MBD5: variants seen among roughly 807,000 people sequenced by gnomAD.
MBD5 encodes the protein methyl-CpG-binding domain protein 5.
MBD5 carries 13 observed loss-of-function variants against 117.3 expected under a neutral mutation model. The observed-to-expected ratio is 0.11, with a 90% CI of 0.07 to 0.18. The LOEUF (loss-of-function observed/expected upper bound fraction) is 0.18, where lower values mean the gene tolerates loss of function less well. Among genes scored for constraint, MBD5 ranks in the 10% least tolerant of loss-of-function variants. The pLI is 1.00. For missense variants in MBD5, 1,879 were observed against 2,093.8 expected, an observed-to-expected ratio of 0.90 and a Z score of 2.00; for synonymous variants, 727 against 766.4, an observed-to-expected ratio of 0.95 and a Z score of 0.85.
At chr2:148,292,760 C>G (rs1037810329) in intron 3 of MBD5, among the ~76,000 whole-genome samples, 1 of 152,100 alleles carries the variant, frequency 6.6e-6, no homozygotes, top group Admixed American at 6.5e-5. Flanking sequence ...GAAGATATAT[C>G]TGTGCACTCC....
chr2:148,363,377 C>T (rs544135412), intron 4 of MBD5, among the ~76,000 whole-genome samples: 7 of 152,162 alleles, frequency 4.6e-5, no homozygotes, highest in East Asian at 3.9e-4. Flanking sequence ...TGACTACAGG[C>T]GCCCGCCACC....
At chr2:148,406,189 G>A (rs1426120719) in intron 4 of MBD5, among the ~76,000 whole-genome samples, 2 of 152,134 alleles carry the variant, frequency 1.3e-5, no homozygotes, top group African/African-American at 4.8e-5. Context: ...GTGAAACCCT[G>A]TCTCAGTAAG....
chr2:148,039,577 T>A (rs1171012248), intron 1 of MBD5, among the ~76,000 whole-genome samples: 10 of 152,178 alleles, frequency 6.6e-5, no homozygotes, highest in Admixed American at 6.5e-5. Flanking sequence ...AAATCATTTC[T>A]GAAATTTTAA....
At chr2:148,064,283 T>C (rs1273084153) in intron 1 of MBD5, among the ~76,000 whole-genome samples, 1 of 151,272 alleles carries the variant, frequency 6.6e-6, no homozygotes, top group Non-Finnish European at 1.5e-5. Flanking sequence ...GCCCGGCTAA[T>C]TTTTTGTATT....
At chr2:148,477,834 AGGTTCTT>A (rs1291271267) in intron 8 of MBD5, among the ~76,000 whole-genome samples, 1 of 152,184 alleles carries the variant, frequency 6.6e-6, no homozygotes, top group Non-Finnish European at 1.5e-5. Context: ...CTTATTTCTT[AGGTTCTT>A]GAATTTTATA....
At chr2:148,395,062 G>A (rs1704672056) in intron 4 of MBD5, among the ~76,000 whole-genome samples, 1 of 152,100 alleles carries the variant, frequency 6.6e-6, no homozygotes, top group South Asian at 2.1e-4. Flanking sequence ...TAAGAGAAAA[G>A]GTGAGTTAGT....
At chr2:148,429,551 G>A (rs975931418) in intron 4 of MBD5, among the ~76,000 whole-genome samples, 1 of 152,080 alleles carries the variant, frequency 6.6e-6, no homozygotes, top group Non-Finnish European at 1.5e-5. Context: ...GCACACATAT[G>A]TTTATTGTGA....
chr2:148,496,512 C>CA (rs1458694022), intron 11 of MBD5, among the ~76,000 whole-genome samples: 1 of 152,204 alleles, frequency 6.6e-6, no homozygotes, highest in African/African-American at 2.4e-5. Context: ...ACACAGACTA[C>CA]ATGAGCTTGT....
chr2:148,212,432 G>A (rs192355177), intron 2 of MBD5, among the ~76,000 whole-genome samples: 1 of 152,054 alleles, frequency 6.6e-6, no homozygotes, highest in African/African-American at 2.4e-5. Context: ...GCCAAATAAT[G>A]TTCTATTATA....
intron 3 of MBD5, among the ~76,000 whole-genome samples, chr2:148,330,332 A>T (rs903461486): frequency 5.9e-5 from 9 of 152,124 alleles, no homozygotes; most frequent in African/African-American, 9.7e-5. Flanking sequence ...GGATATGCTG[A>T]TTGACTTTGG....
Position 148,021,338 on chromosome 2 carries a change from A to C in MBD5, c.-1271A>C. ...TCTTCTTCTTCGAAAACCCCCATCC[A>C]CGACTCCTACCCCCTCACCCCTCCA... On this transcript the variant is annotated 5_prime_UTR_variant, in exon 1 of 14. Coordinates refer to ENST00000642680, the MANE Select transcript of MBD5 (RefSeq NM_001378120.1). 2.7e-6 allele frequency: 1 copy of C among 368,062 alleles called. No homozygotes were observed. Among genetic ancestry groups the C allele is most frequent in the Non-Finnish European group, 5.4e-6 (1 of 184,184 alleles). 22.8% of individuals were successfully genotyped at this position (368,062 alleles called of 1,614,324 possible). A position where few individuals can be genotyped will look rare whatever the true frequency, so the allele number is the denominator to read the frequency against.
At chr2:148,382,182 C>A (rs1280159374) in intron 4 of MBD5, among the ~76,000 whole-genome samples, 5 of 146,938 alleles carry the variant, frequency 3.4e-5, no homozygotes, top group South Asian at 2.2e-4. Context: ...TAGTCAAGAC[C>A]CATCAGTGTG....
At chr2:148,383,663 A>G (rs937942975) in intron 4 of MBD5, among the ~76,000 whole-genome samples, 2 of 151,214 alleles carry the variant, frequency 1.3e-5, no homozygotes, top group African/African-American at 4.9e-5. Flanking sequence ...AAAAAAAAAG[A>G]GAATTTTAGA....
chr2:148,217,337 G>T (rs1229228908), intron 2 of MBD5, among the ~76,000 whole-genome samples: 2 of 152,098 alleles, frequency 1.3e-5, no homozygotes, highest in Admixed American at 1.3e-4. Context: ...AAGAACACAG[G>T]CACACCAAAG....
intron 4 of MBD5, among the ~76,000 whole-genome samples, chr2:148,397,562 C>T (rs1305977106): frequency 6.6e-6 from 1 of 152,136 alleles, no homozygotes; most frequent in East Asian, 1.9e-4. Context: ...ATCTACTGAC[C>T]TCGTGATCCA....
chr2:148,377,334 G>C (rs547230749), intron 4 of MBD5, among the ~76,000 whole-genome samples: 1 of 152,272 alleles, frequency 6.6e-6, no homozygotes, highest in Non-Finnish European at 1.5e-5. Flanking sequence ...CAGGTTAAGG[G>C]TGGGTCTGCC....
At chr2:148,380,317 C>G (rs534980135) in intron 4 of MBD5, among the ~76,000 whole-genome samples, 116 of 152,128 alleles carry the variant, frequency 7.6e-4, no homozygotes, top group African/African-American at 2.8e-3. Context: ...GTGTACCCAA[C>G]AATTAGAGAA....
At chr2:148,105,915 A>G (rs1696360137) in intron 1 of MBD5, among the ~76,000 whole-genome samples, 1 of 152,084 alleles carries the variant, frequency 6.6e-6, no homozygotes, top group African/African-American at 2.4e-5. Flanking sequence ...TGTGCTGCTT[A>G]TTTTGAAAAC....
At chr2:148,322,576 A>G (rs1451302537) in intron 3 of MBD5, among the ~76,000 whole-genome samples, 1 of 152,132 alleles carries the variant, frequency 6.6e-6, no homozygotes, top group Non-Finnish European at 1.5e-5. Flanking sequence ...GACAACACAC[A>G]AGACTTACAT....
Sources: allele counts gnomAD v4.1 joint callset (sites outside exome capture counted in the v4.1 genomes callset), GRCh38; gene constraint gnomAD v4.1.1; transcripts MANE v1.5; gene names NCBI Gene and HGNC (gene_info 2026-07-23, HGNC 2026-07-21).